ARHGEF10L: variants seen among roughly 807,000 people sequenced by gnomAD.
ARHGEF10L encodes the protein rho guanine nucleotide exchange factor 10-like protein.
A neutral mutation model predicts 141.2 loss-of-function variants in ARHGEF10L; 69 were observed. The ratio of observed to expected loss-of-function variants is 0.49; its 90% CI spans 0.40 to 0.60. The LOEUF (loss-of-function observed/expected upper bound fraction) is 0.60, where lower values mean the gene tolerates loss of function less well. Among genes scored for constraint, ARHGEF10L ranks in the 20% least tolerant of loss-of-function variants. The pLI is 0.00. For synonymous variants in ARHGEF10L, 711 were observed against 718.5 expected (o/e 0.99, Z 0.17); for missense variants, 1,482 against 1,734.3 (o/e 0.85, Z 2.58).
chr1:17,563,285 A>C (rs1037579877), intron 1 of ARHGEF10L, among the ~76,000 whole-genome samples: 11 of 148,428 alleles, frequency 7.4e-5, no homozygotes, highest in Non-Finnish European at 1.3e-4. Context: ...CCCAGGGTGG[A>C]GCGCAGTGGC....
chr1:17,695,084 C>T (rs2065394841), intron 27 of ARHGEF10L, 74 bp from the exon 28 acceptor site: 3 of 1,600,718 alleles, frequency 1.9e-6, no homozygotes, highest in Non-Finnish European at 2.6e-6. Flanking sequence ...GCCAGGCCCT[C>T]ATCTCGTGGT....
At chr1:17,577,521 C>T (rs2078272128) in intron 1 of ARHGEF10L, among the ~76,000 whole-genome samples, 1 of 152,194 alleles carries the variant, frequency 6.6e-6, no homozygotes, top group Non-Finnish European at 1.5e-5. Flanking sequence ...TGCTGTGAGC[C>T]ATCCCCACTC....
At chr1:17,582,483 T>C (rs2078657457) in intron 2 of ARHGEF10L, among the ~76,000 whole-genome samples, 1 of 152,234 alleles carries the variant, frequency 6.6e-6, no homozygotes, top group Admixed American at 6.5e-5. Context: ...TAAATTCAAA[T>C]TCCTGAGTAG....
chr1:17,676,148 GC>G (rs1299209140), intron 26 of ARHGEF10L, among the ~76,000 whole-genome samples: 4 of 142,866 alleles, frequency 2.8e-5, no homozygotes, highest in South Asian at 2.4e-4. Flanking sequence ...AGGTGTAGGT[GC>G]AGGTGTAGGT....
Position 17,615,458 on chromosome 1 carries a change from G to C in ARHGEF10L, c.727-636G>C, listed in dbSNP as rs1467800684. On this transcript the variant is annotated intron_variant, in intron 8 of 28. Transcript: ENST00000361221. The surrounding 1 kb of genome is among the most constrained non-coding windows in gnomAD (Gnocchi z 4.7). ...CTGCCTCTTCTTTCTGGCAACTTCA[G>C]CCTTTTCTCCTTTTCCCGGATGGTG... 6.6e-6 allele frequency: 1 copy of C among 152,216 alleles called. No individual in the cohort carries two copies. The highest frequency in any genetic ancestry group is 1.5e-5 in the Non-Finnish European group (1 of 68,080). 9.4% of individuals were successfully genotyped at this position (152,216 alleles called of 1,614,324 possible).
rs148727867 is a variant in ARHGEF10L at position 17,619,928 on chromosome 1, C to T, written c.942+483C>T. Among the ~76,000 whole-genome samples the T allele has an allele frequency of 8.5e-3, 1,287 of 152,180 alleles. 16 individuals carry two copies. Among genetic ancestry groups the T allele is most frequent in the African/African-American group, 0.029 (1,214 of 41,518 alleles). ...CCTTGGCTGGGTGCGGTGGCTCATG[C>T]CTGTAACCCCAGCACTTTGGGAGGG... On this transcript the variant is annotated intron_variant, in intron 10 of 28. Coordinates refer to ENST00000361221, the MANE Select transcript of ARHGEF10L (RefSeq NM_018125.4). This position sits in a 1 kb window ranked among gnomAD's most constrained non-coding sequence, Gnocchi z 5.0.
the ARHGEF10L span, among the ~76,000 whole-genome samples, chr1:17,518,812 A>G: frequency 8.6e-6 from 1 of 116,958 alleles, no homozygotes; most frequent in African/African-American, 2.9e-5. Context: ...CAAAAAAAAA[A>G]AAAAAAAAAA....
In ARHGEF10L at chr1:17,648,667, A is replaced by G. The variant is rs1215448194; in HGVS notation, c.2386A>G (p.Ser796Gly). 1 of 1,612,584 alleles carries G rather than the reference A, an allele frequency of 6.2e-7. No individual in the cohort carries two copies. The highest frequency in any genetic ancestry group is 8.5e-7 in the Non-Finnish European group (1 of 1,179,962). Residue 796 changes from serine (S) to glycine (G), a missense_variant, in exon 22 of 29, where the codon AGC becomes GGC. Ser to Gly is a moderately conservative substitution (Grantham distance 56, BLOSUM62 0). Transcript: ENST00000361221. ...CCCTGCCTTCTCCTCCCGGGCACTC[A>G]GCCTGCAGGTGAGTGGAGCGGATCT... ...CIPAFSSRALSLQLGALVHSP... is the reference protein window; with the variant it reads ...CIPAFSSRALGLQLGALVHSP...
rs534382054 is a variant in ARHGEF10L, at chr1:17,635,001, T to C, written c.1912T>C (p.Ser638Pro). The change falls in exon 18 of 29, where the codon TCA (serine) becomes CCA (proline). Residue 638 changes from serine (S) to proline (P), a missense_variant. By Grantham distance (74) the Ser-to-Pro change is moderately conservative (BLOSUM62 -1). Coordinates refer to ENST00000361221, the MANE Select transcript of ARHGEF10L (RefSeq NM_018125.4). ...CTCAGGCGCCAAGAAGGCCTCTGCC[T>C]CAGGGCAGGCTCAGAGTGAGTACCC... ...QHSGAKKASA[S>P]GQAQNKVYLG... The C allele has an allele frequency of 1.9e-6, 3 of 1,614,040 alleles. No homozygotes were observed. Among genetic ancestry groups the C allele is most frequent in the African/African-American group, 2.7e-5 (2 of 75,032 alleles).
chr1:17,643,534 G>A (rs2061433240), intron 21 of ARHGEF10L, among the ~76,000 whole-genome samples: 1 of 152,208 alleles, frequency 6.6e-6, no homozygotes, highest in African/African-American at 2.4e-5. Context: ...TGGCACACAG[G>A]AAGGTTTGAG....
Position 17,573,271 on chromosome 1 carries a change from G to T in ARHGEF10L, c.-43-7282G>T, listed in dbSNP as rs539161197. Among the ~76,000 whole-genome samples the T allele has an allele frequency of 6.6e-6, 1 of 152,178 alleles. No homozygotes were observed. Among genetic ancestry groups the T allele is most frequent in the African/African-American group, 2.4e-5 (1 of 41,446 alleles). Reference sequence around the variant, plus strand: ...GTGGCGAGGGCCCAGCAGCGAGGACGCCCAGCAGCTGGGAGGCGGGCATCC... The same window carrying T: ...GTGGCGAGGGCCCAGCAGCGAGGACTCCCAGCAGCTGGGAGGCGGGCATCC... On this transcript the variant is annotated intron_variant, in intron 1 of 28. Transcript: ENST00000361221. This position sits in a 1 kb window ranked among gnomAD's most constrained non-coding sequence, Gnocchi z 4.8.
At chr1:17,695,309 G>T in intron 28 of ARHGEF10L, 29 bp downstream of exon 28, 1 of 1,547,426 alleles carries the variant, frequency 6.5e-7, no homozygotes, top group South Asian at 1.3e-5. Flanking sequence ...GTGTTGGCAG[G>T]ACCAGGGGGT....
At chr1:17,592,309 C>T (rs2079615465) in intron 4 of ARHGEF10L, among the ~76,000 whole-genome samples, 1 of 152,176 alleles carries the variant, frequency 6.6e-6, no homozygotes, top group South Asian at 2.1e-4. Flanking sequence ...CAGCACTTTT[C>T]TGTGGGTCAG....
At chr1:17,650,264 A>T (rs957480674) in intron 22 of ARHGEF10L, among the ~76,000 whole-genome samples, 1 of 151,426 alleles carries the variant, frequency 6.6e-6, no homozygotes, top group East Asian at 2.0e-4. Context: ...AAAATAAAAA[A>T]AAATTAGCCA....
At chr1:17,695,825 C>A (rs1006722824) in intron 28 of ARHGEF10L, among the ~76,000 whole-genome samples, 1 of 152,110 alleles carries the variant, frequency 6.6e-6, no homozygotes, top group Admixed American at 6.5e-5. Context: ...TGGTCTTTTC[C>A]AGCAAGGGAG....
the ARHGEF10L span, among the ~76,000 whole-genome samples, chr1:17,517,416 C>G: frequency 6.6e-5 from 10 of 152,042 alleles, no homozygotes; most frequent in Admixed American, 2.6e-4. Flanking sequence ...ACTGCAACTT[C>G]CAGGTTCAGT....
rs2060364427 is a variant in ARHGEF10L at position 17,625,997 on chromosome 1, G to A, written c.1359G>A (p.Gly453=). 5.6e-6 allele frequency: 9 copies of A among 1,613,952 alleles called. No homozygotes were observed. The highest frequency in any genetic ancestry group is 7.6e-6 in the Non-Finnish European group (9 of 1,179,890). The change falls in exon 14 of 29, where the codon GGG becomes GGA. Residue 453 remains glycine, a synonymous_variant. Transcript: ENST00000361221. This position sits in a 1 kb window ranked among gnomAD's most constrained non-coding sequence, Gnocchi z 4.5. ...VCSPDRVTLY[G]LMVKPIQRFP... is the part of the protein sequence containing the mutation. ...GCCCAGACCGTGTCACCCTCTACGG[G>A]CTGATGGTCAAGCCCATCCAGAGGT...
At position 17,557,424 on chromosome 1, in the gene ARHGEF10L, G is replaced by T. The variant is rs137892471; in HGVS notation, c.-44+17474G>T. ...GCTAACCTTTTGGGGTTGGTGACGG[G>T]CTCTGTGTTGGATGCCCTCACCTGC... On this transcript the variant is annotated intron_variant, in intron 1 of 28. Transcript: ENST00000361221. Among the ~76,000 whole-genome samples, 367 of 152,264 alleles carry T rather than the reference G, an allele frequency of 2.4e-3. 1 individual carries two copies. The highest frequency in any genetic ancestry group is 4.9e-3 in the Admixed American group (75 of 15,284).
intron 26 of ARHGEF10L, among the ~76,000 whole-genome samples, chr1:17,672,337 C>T (rs553588293): frequency 2.0e-5 from 3 of 152,310 alleles, no homozygotes; most frequent in African/African-American, 7.2e-5. Flanking sequence ...TTTCTGTCTC[C>T]TATCTTATTT....
Sources: allele counts gnomAD v4.1 joint callset (sites outside exome capture counted in the v4.1 genomes callset), GRCh38; gene constraint gnomAD v4.1.1; non-coding constraint Gnocchi (gnomAD v3.1); transcripts MANE v1.5; gene names NCBI Gene and HGNC (gene_info 2026-07-23, HGNC 2026-07-21).